Variants in LTBP2 observed in about 807,000 individuals in gnomAD.
LTBP2 encodes latent transforming growth factor beta binding protein 2.
LTBP2 carries 103 observed loss-of-function variants against 210.6 expected under a neutral mutation model. The observed-to-expected ratio is 0.49, with a 90% confidence interval of 0.42 to 0.58. LTBP2 has a LOEUF of 0.58. Ranked by LOEUF, LTBP2 falls within the 20% of genes least tolerant of loss-of-function variation. LTBP2 has a pLI of 0.00. For missense variants in LTBP2, 2,313 were observed against 2,494.5 expected (o/e 0.93, Z 1.55); for synonymous variants, 1,007 against 1,015.0 (o/e 0.99, Z 0.15).
chr14:74,575,138 C>T (rs147474103), intron 3 of LTBP2, among the ~76,000 whole-genome samples: 2 of 152,336 alleles, frequency 1.3e-5, no homozygotes, highest in East Asian at 1.9e-4. Context: ...ATAGCTAGAC[C>T]GTGTGCCCTG....
chr14:74,602,912 G>A (rs1192972424), intron 2 of LTBP2, among the ~76,000 whole-genome samples: 1 of 152,236 alleles, frequency 6.6e-6, no homozygotes, highest in African/African-American at 2.4e-5. Flanking sequence ...GGGCAGAGGT[G>A]GATTCTCATC....
intron 7 of LTBP2, 110 bp from the exon 8 acceptor site, chr14:74,550,075 C>G (rs2087631151): frequency 2.7e-6 from 2 of 750,696 alleles, no homozygotes; most frequent in East Asian, 2.6e-5. Context: ...CACATTCTGC[C>G]AGAGGATGTC....
chr14:74,594,910 C>T (rs887771288), intron 2 of LTBP2, among the ~76,000 whole-genome samples: 1 of 152,236 alleles, frequency 6.6e-6, no homozygotes, highest in Non-Finnish European at 1.5e-5. Context: ...AGCCCCCAGG[C>T]TGTGGGAGAA....
rs1375836700 is a variant in LTBP2, at chr14:74,500,879, G to A, written c.*5C>T. ...CCAGGTAGTTGCCACACTGACCCCT[G>A]ACTGCTACTCCTTGGCAGTGCAGTG... On this transcript the variant is annotated 3_prime_UTR_variant, in exon 36 of 36. Transcript: ENST00000261978. 1 of 1,613,936 alleles carries A rather than the reference G, an allele frequency of 6.2e-7. No individual in the cohort carries two copies. The highest frequency in any genetic ancestry group is 1.1e-5 in the South Asian group (1 of 91,074).
chr14:74,602,491 T>C (rs1446460717), intron 2 of LTBP2, among the ~76,000 whole-genome samples: 2 of 152,124 alleles, frequency 1.3e-5, no homozygotes, highest in Non-Finnish European at 2.9e-5. Context: ...GTACAGGTAT[T>C]AAGAAGAGGG....
At chr14:74,588,552 A>G (rs896682591) in intron 2 of LTBP2, among the ~76,000 whole-genome samples, 1 of 152,108 alleles carries the variant, frequency 6.6e-6, no homozygotes, top group African/African-American at 2.4e-5. Flanking sequence ...CATGTGTCTC[A>G]ATTTCCTGAC....
chr14:74,590,256 A>G (rs185698228), intron 2 of LTBP2, among the ~76,000 whole-genome samples: 3 of 152,258 alleles, frequency 2.0e-5, no homozygotes, highest in Non-Finnish European at 2.9e-5. Context: ...AAGAACCAAA[A>G]GTAGGTCAAC....
chr14:74,572,155 C>T (rs75133126), intron 3 of LTBP2, among the ~76,000 whole-genome samples: 66 of 152,278 alleles, frequency 4.3e-4, no homozygotes, highest in African/African-American at 1.5e-3. Context: ...CCCTCTGGGT[C>T]CCAAGCAGCC....
chr14:74,521,883 G>A (rs1166766170), intron 17 of LTBP2, 28 bp downstream of exon 17: 3 of 1,613,238 alleles, frequency 1.9e-6, no homozygotes, highest in Non-Finnish European at 2.5e-6. Flanking sequence ...GTGGGGCCTG[G>A]CCAAGGGCAA....
At position 74,502,881 on chromosome 14, in the gene LTBP2, C is replaced by CG; in HGVS notation, c.4941dup (p.Gly1648ArgfsTer9). 1.9e-6 allele frequency: 3 copies of CG among 1,613,408 alleles called. No homozygotes were observed. The highest frequency in any genetic ancestry group is 2.5e-6 in the Non-Finnish European group (3 of 1,180,012). On this transcript the variant is annotated frameshift_variant, in exon 34 of 36. Transcript: ENST00000261978. LOFTEE classifies it high-confidence loss of function. ...TCATAGCCTGGCCGGAAGTGGACCCCGGCCTCCCGCTCTGCCTCAATGCGA... is the reference window on the plus strand; with the variant it reads ...TCATAGCCTGGCCGGAAGTGGACCCCGGGCCTCCCGCTCTGCCTCAATGCGA...
chr14:74,599,327 T>C (rs2088413238), intron 2 of LTBP2, among the ~76,000 whole-genome samples: 1 of 151,844 alleles, frequency 6.6e-6, no homozygotes, highest in South Asian at 2.1e-4. Flanking sequence ...GATTCTCTTC[T>C]GTCCTCCCCA....
intron 4 of LTBP2, among the ~76,000 whole-genome samples, chr14:74,554,641 G>T (rs1478436983): frequency 6.6e-6 from 1 of 152,210 alleles, no homozygotes. Context: ...GTGAGTGGTT[G>T]CCAGGGATAG....
At chr14:74,512,917 C>T (rs1331283151) in intron 18 of LTBP2, among the ~76,000 whole-genome samples, 1 of 152,068 alleles carries the variant, frequency 6.6e-6, no homozygotes, top group African/African-American at 2.4e-5. Context: ...AGTGCCATGA[C>T]CTGTTGGCCT....
intron 3 of LTBP2, chr14:74,560,100 A>G (rs2087775380): frequency 6.6e-6 from 1 of 152,210 alleles, no homozygotes; most frequent in African/African-American, 2.4e-5. Context: ...ATGAATCCGT[A>G]AGATTTTGGA....
In LTBP2 at chr14:74,550,786, C is replaced by A. The variant is rs559005239; in HGVS notation, c.1686+278G>T. 9.8e-5 allele frequency among the ~76,000 whole-genome samples: 15 copies of A among 152,366 alleles called. 3 individuals are homozygous for A. The Middle Eastern group carries it at 0.044, about 449-fold the overall frequency. The stretch of plus-strand genomic sequence containing the variant: ...ATCAGCATCTCTAGGCTGCCTTCAC[C>A]TGAGGATGCTGGTGACAGCTCCTCC... On this transcript the variant is annotated intron_variant, in intron 7 of 35. Transcript: ENST00000261978.
Position 74,586,257 on chromosome 14 carries a change from G to A in LTBP2, c.566-139C>T, listed in dbSNP as rs1019838561. On this transcript the variant is annotated intron_variant, in intron 2 of 35. Transcript: ENST00000261978. The surrounding 1 kb of genome is among the most constrained non-coding windows in gnomAD (Gnocchi z 4.6). ...CAGGAAGCCACTCTCCTGGCCTCAGGGGGCTCCCTGACCCATGTCTCTCCC... is the reference window on the plus strand; with the variant it reads ...CAGGAAGCCACTCTCCTGGCCTCAGAGGGCTCCCTGACCCATGTCTCTCCC... 3.2e-6 allele frequency: 3 copies of A among 936,784 alleles called. No individual in the cohort carries two copies. Among genetic ancestry groups the A allele is most frequent in the African/African-American group, 3.3e-5 (2 of 60,600 alleles). The allele number at this position is 936,784 out of a possible 1,614,324, so 58.0% of individuals were successfully genotyped here. A position where few individuals can be genotyped will look rare whatever the true frequency, so the allele number is the denominator to read the frequency against.
chr14:74,528,473 G>C lies in LTBP2; in HGVS notation c.2368+10C>G. ...GAAAATCCCTCAGGCATCTCCCCCA[G>C]CTCAGATACCCTTGTCAGGGATGGT... On this transcript the variant is annotated intron_variant, in intron 12 of 35. Coordinates refer to ENST00000261978, the MANE Select transcript of LTBP2 (RefSeq NM_000428.3). 1 of 1,611,680 alleles carries C rather than the reference G, an allele frequency of 6.2e-7. No homozygotes were observed. Among genetic ancestry groups the C allele is most frequent in the Non-Finnish European group, 8.5e-7 (1 of 1,179,938 alleles).
chr14:74,521,769 G>T, intron 17 of LTBP2, 142 bp downstream of exon 17: 3 of 1,176,602 alleles, frequency 2.5e-6, no homozygotes, highest in Non-Finnish European at 3.7e-6. Context: ...CCAGGCTGGA[G>T]TTCTGGTCTC....
Position 74,503,295 on chromosome 14 carries a change from G to T in LTBP2, c.4812C>A (p.Thr1604=). 6.2e-7 allele frequency: 1 copy of T among 1,614,070 alleles called. No individual in the cohort carries two copies. ...VCSEPLRGHR[T]TYTECCCQDG... ...CCTGGCAGCAGCATTCCGTGTAGGT[G>T]GTGCGGTGCCCACGCAGGGGTTCGC... Residue 1604 remains threonine, a synonymous_variant, in exon 33 of 36, where the codon ACC becomes ACA. Transcript: ENST00000261978.
Sources: gnomAD v4.1 joint callset for allele counts (sites outside exome capture counted in the v4.1 genomes callset) on GRCh38, gnomAD v4.1.1 for gene constraint, Gnocchi (gnomAD v3.1) non-coding constraint, MANE v1.5 for transcripts, NCBI Gene and HGNC (gene_info 2026-07-23, HGNC 2026-07-21) for gene names.